PLEKHG2: variants seen among roughly 807,000 people sequenced by gnomAD.
The protein encoded by PLEKHG2 is pleckstrin homology and RhoGEF domain containing G2, also known as pleckstrin homology domain-containing family G member 2.
A neutral mutation model predicts 104.4 loss-of-function variants in PLEKHG2; 71 were observed. The observed-to-expected ratio is 0.68, with a 90% CI of 0.56 to 0.83. The LOEUF is 0.83. PLEKHG2 is among the 40% of genes least tolerant of loss of function. The pLI, the probability that PLEKHG2 is intolerant of heterozygous loss-of-function variation, is 0.00. For missense variants in PLEKHG2, 1,730 were observed against 1,809.4 expected (o/e 0.96, Z 0.80); for synonymous variants, 728 against 737.0 (o/e 0.99, Z 0.20).
chr19:39,425,281 C>A lies in PLEKHG2; in HGVS notation c.4148C>A (p.Pro1383His). 2 of 1,610,922 alleles carry A rather than the reference C, an allele frequency of 1.2e-6. No homozygotes were observed. Among genetic ancestry groups the A allele is most frequent in the Non-Finnish European group, 8.5e-7 (1 of 1,179,228 alleles). Residue 1383 changes from proline (P) to histidine (H), a missense_variant, in exon 19 of 19, where the codon CCC (proline) becomes CAC (histidine). Pro to His is a moderately conservative substitution (Grantham distance 77). Transcript: ENST00000425673. ...LHRAQGAPDA[P>H]FHM is the part of the protein sequence containing the mutation. ...AGGGCCCAGGGGGCTCCTGATGCCC[C>A]CTTCCACATGTGAGCCAGGACATGA... is the stretch of plus-strand genomic sequence containing the variant.
rs1451501370 is a variant in PLEKHG2, at chr19:39,423,446, G to A, written c.2392G>A (p.Gly798Arg). 6.8e-6 allele frequency: 11 copies of A among 1,606,186 alleles called. No homozygotes were observed. The East Asian group carries it at 2.5e-4, about 36-fold the overall frequency. ...GATCCTGGAGGATTCGGATCTGGGT[G>A]GAGACAGCGGGAGCGGGAAGGCAGG... ...LLILEDSDLG[G>R]DSGSGKAGAP... is the part of the protein sequence containing the mutation. Residue 798 changes from glycine to arginine, a missense_variant, in exon 18 of 19, where the codon GGA becomes AGA. Gly to Arg is a moderately radical substitution (Grantham distance 125). Transcript: ENST00000425673.
Position 39,413,919 on chromosome 19 carries a change from G to T in PLEKHG2, c.-22-146G>T. The T allele has an allele frequency of 1.8e-6, 1 of 550,062 alleles. No individual in the cohort carries two copies. Among genetic ancestry groups the T allele is most frequent in the Non-Finnish European group, 3.3e-6 (1 of 305,008 alleles). 34.1% of individuals were successfully genotyped at this position (550,062 alleles called of 1,614,324 possible). On this transcript the variant is annotated intron_variant, in intron 1 of 18. Coordinates refer to ENST00000425673, the MANE Select transcript of PLEKHG2 (RefSeq NM_022835.3). This position sits in a 1 kb window ranked among gnomAD's most constrained non-coding sequence, Gnocchi z 4.5. The stretch of plus-strand genomic sequence containing the variant: ...TCTCTCTCCTTGTCCCCTTCTTTCT[G>T]TCACTTTGTGCCTCCCCCATTAGTT...
rs751389922 is a variant in PLEKHG2, at chr19:39,423,175, C to T, written c.2121C>T (p.Ala707=). The change falls in exon 18 of 19, where the codon GCC becomes GCT. Residue 707 remains alanine (A), a synonymous_variant. Transcript: ENST00000425673. ...GPLQEPAEAP[A]TRRELFSGSN... Reference sequence around the variant, plus strand: ...TGCAGGAACCAGCTGAGGCTCCAGCCACCAGGAGAGAACTGTTTTCTGGGA... The same window carrying T: ...TGCAGGAACCAGCTGAGGCTCCAGCTACCAGGAGAGAACTGTTTTCTGGGA... 3.1e-6 allele frequency: 5 copies of T among 1,612,944 alleles called. No homozygotes were observed. The South Asian group carries it at 5.5e-5, about 18-fold the overall frequency.
intron 15 of PLEKHG2, 49 bp from the exon 16 acceptor site, chr19:39,421,233 TC>T (rs748719908): frequency 1.6e-5 from 26 of 1,613,322 alleles, no homozygotes; most frequent in Non-Finnish European, 2.2e-5. Context: ...TCACTCTTTT[TC>T]CCTTACATCT....
Position 39,415,326 on chromosome 19 carries a change from G to T in PLEKHG2, c.379-13G>T. 1 of 1,613,000 alleles carries T rather than the reference G, an allele frequency of 6.2e-7. No homozygotes were observed. The highest frequency in any genetic ancestry group is 8.5e-7 in the Non-Finnish European group (1 of 1,179,336). Reference sequence around the variant, plus strand: ...CAGCCCCTTGGCCCCCATAACCCCAGTCATCCCAACAGGACTACCTGGGCC... The same window carrying T: ...CAGCCCCTTGGCCCCCATAACCCCATTCATCCCAACAGGACTACCTGGGCC... On this transcript the variant is annotated splice_polypyrimidine_tract_variant and intron_variant, in intron 3 of 18. Transcript: ENST00000425673. The surrounding 1 kb of genome is among the most constrained non-coding windows in gnomAD (Gnocchi z 4.6).
At chr19:39,414,430 G>A (rs993311152) in intron 2 of PLEKHG2, among the ~76,000 whole-genome samples, 2 of 152,232 alleles carry the variant, frequency 1.3e-5, no homozygotes, top group African/African-American at 2.4e-5. Context: ...GGTTCCTGGA[G>A]GTGGGAACAT....
rs199806971 is a variant in PLEKHG2 at position 39,425,007 on chromosome 19, C to T, written c.3874C>T (p.Arg1292Trp). ...CTCATATATCAGCCAGAGCCTGGCT[C>T]GGCGGCAGGGGCCTGGGGGAGGGGC... ...AASYISQSLA[R>W]RQGPGGGAPA... The change falls in exon 19 of 19, where the codon CGG becomes TGG. Residue 1292 changes from arginine (R) to tryptophan (W), a missense_variant. Physicochemically the swap from Arg to Trp is moderately radical, Grantham distance 101 (BLOSUM62 -3). Transcript: ENST00000425673. 221 of 1,609,080 alleles carry T rather than the reference C, an allele frequency of 1.4e-4. 2 individuals carry two copies. Among genetic ancestry groups the T allele is most frequent in the South Asian group, 1.1e-3 (98 of 90,778 alleles).
rs1289160622 is a variant in PLEKHG2 at position 39,424,547 on chromosome 19, T to A, written c.3414T>A (p.Thr1138=). 1 of 1,613,846 alleles carries A rather than the reference T, an allele frequency of 6.2e-7. No homozygotes were observed. The highest frequency in any genetic ancestry group is 2.2e-5 in the East Asian group (1 of 44,860). ...CTTTGTCCCAGGAGCTCCCAGACAC[T>A]CAGGTTCCAGCTACCACACCTTTGC... ...PLSLSQELPD[T]QVPATTPLPL... Residue 1138 remains threonine, a synonymous_variant, in exon 19 of 19, where the codon ACT becomes ACA. Coordinates refer to ENST00000425673, the MANE Select transcript of PLEKHG2 (RefSeq NM_022835.3).
chr19:39,417,056 A>G (rs1404668940), intron 7 of PLEKHG2, 56 bp downstream of exon 7: 1 of 1,519,302 alleles, frequency 6.6e-7, no homozygotes, highest in East Asian at 2.3e-5. Flanking sequence ...TCCCTTGACC[A>G]CCTGTTGGTT....
chr19:39,416,527 C>T lies in PLEKHG2; in HGVS notation c.547-24C>T, dbSNP rs754730030. 6 of 1,613,788 alleles carry T rather than the reference C, an allele frequency of 3.7e-6. No homozygotes were observed. Among genetic ancestry groups the T allele is most frequent in the East Asian group, 4.5e-5 (2 of 44,866 alleles). On this transcript the variant is annotated intron_variant, in intron 5 of 18. Coordinates refer to ENST00000425673, the MANE Select transcript of PLEKHG2 (RefSeq NM_022835.3). The surrounding 1 kb of genome is among the most constrained non-coding windows in gnomAD (Gnocchi z 4.5). ...CGTGGGAAGCCAGGACCTGGGGTCT[C>T]CCTGACTCCCATGTCACCCGCAGAG...
intron 15 of PLEKHG2, 25 bp downstream of exon 15, chr19:39,421,138 T>C: frequency 6.2e-7 from 1 of 1,609,600 alleles, no homozygotes; most frequent in African/African-American, 1.3e-5. Context: ...CGGTTCAGCC[T>C]GGTCCATCCC....
At chr19:39,414,238 T>G in intron 2 of PLEKHG2, 43 bp downstream of exon 2, 2 of 1,528,780 alleles carry the variant, frequency 1.3e-6, no homozygotes. Context: ...GGGGCTTTTA[T>G]TCCTTGGCAA....
Position 39,415,548 on chromosome 19 carries a change from G to A in PLEKHG2, c.479+109G>A. On this transcript the variant is annotated intron_variant, in intron 4 of 18. Transcript: ENST00000425673. This position sits in a 1 kb window ranked among gnomAD's most constrained non-coding sequence, Gnocchi z 4.6. The stretch of plus-strand genomic sequence containing the variant: ...CCTGTCCAGGCTGGTACGTGGGGTT[G>A]TGACATTGGGCAAGGATCAGGGATC... The A allele has an allele frequency of 8.1e-7, 1 of 1,227,844 alleles. No individual in the cohort carries two copies. The highest frequency in any genetic ancestry group is 1.1e-6 in the Non-Finnish European group (1 of 872,850). The allele number at this position is 1,227,844 out of a possible 1,614,324, so 76.1% of individuals were successfully genotyped here.
chr19:39,424,162 A>G lies in PLEKHG2; in HGVS notation c.3029A>G (p.His1010Arg), dbSNP rs768515583. ...PSTAFCPEQG[H>R]CADIHVPTTP... ...ACCGCCTTTTGTCCTGAGCAGGGAC[A>G]CTGTGCGGACATCCACGTTCCCACC... The change falls in exon 19 of 19, where the codon CAC becomes CGC. Residue 1010 changes from histidine (H) to arginine (R), a missense_variant. Transcript: ENST00000425673. 7 of 1,614,024 alleles carry G rather than the reference A, an allele frequency of 4.3e-6. No individual in the cohort carries two copies. The highest frequency in any genetic ancestry group is 1.7e-5 in the Admixed American group (1 of 59,994).
Position 39,423,592 on chromosome 19 carries a change from G to T in PLEKHG2, c.2538G>T (p.Arg846=). The part of the protein sequence containing the change: ...TRASANAPRR[R]PRVLAQPQPS... ...CATCAGCCAATGCCCCGCGCCGCCG[G>T]CCTCGGGTTCTGGCCCAACCCCAGC... The change falls in exon 18 of 19, where the codon CGG becomes CGT. Residue 846 remains arginine, a synonymous_variant. Transcript: ENST00000425673. 6.5e-7 allele frequency: 1 copy of T among 1,533,676 alleles called. No individual in the cohort carries two copies. Among genetic ancestry groups the T allele is most frequent in the South Asian group, 1.3e-5 (1 of 77,248 alleles).
rs1254499324 is a variant in PLEKHG2 at position 39,423,665 on chromosome 19, G to C, written c.2599+12G>C. On this transcript the variant is annotated intron_variant, in intron 18 of 18. Coordinates refer to ENST00000425673, the MANE Select transcript of PLEKHG2 (RefSeq NM_022835.3). ...GCAGGCAGAGCCAGGTGAGGTCCGGGTACGTGGTTGGCAGAGGTGGTCCCC... is the reference window on the plus strand; with the variant it reads ...GCAGGCAGAGCCAGGTGAGGTCCGGCTACGTGGTTGGCAGAGGTGGTCCCC... The C allele has an allele frequency of 2.6e-6, 4 of 1,554,380 alleles. No individual in the cohort carries two copies. The highest frequency in any genetic ancestry group is 3.5e-6 in the Non-Finnish European group (4 of 1,149,330).
chr19:39,423,960 G>C lies in PLEKHG2; in HGVS notation c.2827G>C (p.Gly943Arg). The C allele has an allele frequency of 6.2e-7, 1 of 1,614,174 alleles. No individual in the cohort carries two copies. The highest frequency in any genetic ancestry group is 1.3e-5 in the African/African-American group (1 of 75,052). Reference sequence around the variant, plus strand: ...TGCTACCCTTTTGCCTGAGCAAGGAGGTTCCCGGCATGTCCAGGCTCCAGC... The same window carrying C: ...TGCTACCCTTTTGCCTGAGCAAGGACGTTCCCGGCATGTCCAGGCTCCAGC... ...SAATLLPEQG[G>R]SRHVQAPAAT... The change falls in exon 19 of 19, where the codon GGT (glycine) becomes CGT (arginine). Residue 943 changes from glycine (G) to arginine (R), a missense_variant. Physicochemically the swap from Gly to Arg is moderately radical, Grantham distance 125. Transcript: ENST00000425673.
intron 18 of PLEKHG2, 28 bp from the exon 19 acceptor site, chr19:39,423,705 C>T: frequency 6.3e-7 from 1 of 1,590,918 alleles, no homozygotes; most frequent in East Asian, 2.2e-5. Context: ...GAGTAGTGGT[C>T]CTGACTCGAT....
chr19:39,416,691 G>T lies in PLEKHG2; in HGVS notation c.593+94G>T. 1 of 1,525,084 alleles carries T rather than the reference G, an allele frequency of 6.6e-7. No individual in the cohort carries two copies. Among genetic ancestry groups the T allele is most frequent in the African/African-American group, 1.4e-5 (1 of 73,270 alleles). 94.5% of individuals were successfully genotyped at this position (1,525,084 alleles called of 1,614,324 possible). On this transcript the variant is annotated intron_variant, in intron 6 of 18. Transcript: ENST00000425673. This position sits in a 1 kb window ranked among gnomAD's most constrained non-coding sequence, Gnocchi z 4.5. Reference sequence around the variant, plus strand: ...CCTCCCTCTACCCCCGACCCATCCAGCACCGACCCCTGCCAGGCTGTGACA... The same window carrying T: ...CCTCCCTCTACCCCCGACCCATCCATCACCGACCCCTGCCAGGCTGTGACA...
Sources: allele counts gnomAD v4.1 joint callset (sites outside exome capture counted in the v4.1 genomes callset), GRCh38; gene constraint gnomAD v4.1.1; non-coding constraint Gnocchi (gnomAD v3.1); transcripts MANE v1.5; gene names NCBI Gene and HGNC (gene_info 2026-07-23, HGNC 2026-07-21).